Variants in PIK3R1 observed in about 807,000 individuals in gnomAD.
PIK3R1 encodes phosphoinositide-3-kinase regulatory subunit 1.
In PIK3R1, 29 loss-of-function variants were observed where a neutral mutation model predicts 98.0. The observed-to-expected ratio is 0.30, with a 90% CI of 0.22 to 0.40. The LOEUF (loss-of-function observed/expected upper bound fraction) is 0.40, where lower values mean the gene tolerates loss of function less well. Among genes scored for constraint, PIK3R1 ranks in the 10% least tolerant of loss-of-function variants. The pLI is 1.00. For synonymous variants in PIK3R1, 282 were observed against 311.8 expected (o/e 0.90, Z 1.01); for missense variants, 596 against 872.7 (o/e 0.68, Z 3.99).
chr5:68,224,967 C>T (rs1168271881), intron 1 of PIK3R1, among the ~76,000 whole-genome samples: 1 of 152,238 alleles, frequency 6.6e-6, no homozygotes, highest in Non-Finnish European at 1.5e-5. Flanking sequence ...TTGCTACTTC[C>T]TCTCTAATAT....
chr5:68,239,905 A>C (rs527933795), intron 2 of PIK3R1: 2 of 502,456 alleles, frequency 4.0e-6, no homozygotes, highest in Admixed American at 2.3e-5. Flanking sequence ...CTTACAGCAA[A>C]AGAACCTCAT....
chr5:68,278,637 C>T (rs1316890399), intron 4 of PIK3R1, among the ~76,000 whole-genome samples: 3 of 152,120 alleles, frequency 2.0e-5, no homozygotes, highest in Non-Finnish European at 2.9e-5. Context: ...CCACAGACTG[C>T]GTGGCTTAAA....
intron 7 of PIK3R1, chr5:68,288,224 C>T (rs371985240): frequency 1.0e-5 from 2 of 194,158 alleles, no homozygotes; most frequent in African/African-American, 2.3e-5. Flanking sequence ...ATGGCCTTCT[C>T]ATTTCCCAGG....
chr5:68,288,414 C>A, intron 7 of PIK3R1: 1 of 1,220,582 alleles, frequency 8.2e-7, no homozygotes, highest in Non-Finnish European at 1.0e-6. Flanking sequence ...CCTTTCCTCC[C>A]CGATACAGTA....
intron 7 of PIK3R1, among the ~76,000 whole-genome samples, chr5:68,287,835 T>C (rs765210957): frequency 1.3e-5 from 2 of 151,124 alleles, no homozygotes; most frequent in Non-Finnish European, 3.0e-5. Context: ...CACATGATCA[T>C]GGAGTATAGT....
chr5:68,237,967 C>T (rs1185920088), intron 2 of PIK3R1, among the ~76,000 whole-genome samples: 1 of 152,124 alleles, frequency 6.6e-6, no homozygotes, highest in African/African-American at 2.4e-5. Context: ...AGTAGGAGGT[C>T]ACAACTTAGA....
chr5:68,240,862 TCA>T (rs1744848559), intron 2 of PIK3R1, among the ~76,000 whole-genome samples: 2 of 152,222 alleles, frequency 1.3e-5, no homozygotes, highest in Admixed American at 1.3e-4. Flanking sequence ...GAGGTGAGTT[TCA>T]CAGTGATCTT....
intron 5 of PIK3R1, chr5:68,280,290 C>G: frequency 1.8e-6 from 1 of 549,190 alleles, no homozygotes; most frequent in African/African-American, 1.9e-5. Flanking sequence ...ACACCCTGAA[C>G]AGCTTGTGGT....
intron 2 of PIK3R1, among the ~76,000 whole-genome samples, chr5:68,270,665 C>T (rs1746317712): frequency 6.6e-6 from 1 of 152,078 alleles, no homozygotes; most frequent in Non-Finnish European, 1.5e-5. Flanking sequence ...TGTGCTAAGT[C>T]TTGTTAGTTT....
intron 2 of PIK3R1, among the ~76,000 whole-genome samples, chr5:68,271,649 T>A (rs985507001): frequency 6.6e-6 from 1 of 152,352 alleles, no homozygotes; most frequent in East Asian, 1.9e-4. Flanking sequence ...TGGCTAGTCA[T>A]TGCTTTATCA....
intron 1 of PIK3R1, among the ~76,000 whole-genome samples, chr5:68,225,973 C>T (rs1357436249): frequency 6.6e-6 from 1 of 152,114 alleles, no homozygotes; most frequent in African/African-American, 2.4e-5. Context: ...TTGAACCCTG[C>T]AGTGTTTAGT....
At chr5:68,276,429 G>A (rs1746573745) in intron 4 of PIK3R1, among the ~76,000 whole-genome samples, 1 of 152,200 alleles carries the variant, frequency 6.6e-6, no homozygotes, top group Non-Finnish European at 1.5e-5. Context: ...AGAGACCTAA[G>A]GAAGAGGAGA....
At position 68,295,560 on chromosome 5, in the gene PIK3R1, T is replaced by C; in HGVS notation, c.1814+72T>C. ...TAGGAAAATGCATGACTTGCTTTGT[T>C]TTTAGAACAAGTGAGGAATTTTACT... On this transcript the variant is annotated intron_variant, in intron 14 of 15. Transcript: ENST00000521381. 3 of 1,298,892 alleles carry C rather than the reference T, an allele frequency of 2.3e-6. No homozygotes were observed. The South Asian group carries it at 3.6e-5, about 16-fold the overall frequency. 80.5% of individuals were successfully genotyped at this position (1,298,892 alleles called of 1,614,324 possible).
intron 4 of PIK3R1, among the ~76,000 whole-genome samples, chr5:68,275,117 G>C (rs1399347647): frequency 6.6e-6 from 1 of 152,220 alleles, no homozygotes; most frequent in African/African-American, 2.4e-5. Flanking sequence ...CACTTGAAAT[G>C]TTCTGACCAG....
chr5:68,252,148 T>G (rs1745336242), intron 2 of PIK3R1, among the ~76,000 whole-genome samples: 1 of 152,136 alleles, frequency 6.6e-6, no homozygotes, highest in Non-Finnish European at 1.5e-5. Context: ...ATCTGCTGTT[T>G]AGACTAAGGG....
At position 68,290,596 on chromosome 5, in the gene PIK3R1, T is replaced by G. The variant is rs1253933114; in HGVS notation, c.917-1663T>G. On this transcript the variant is annotated intron_variant, in intron 7 of 15. Coordinates refer to ENST00000521381, the MANE Select transcript of PIK3R1 (RefSeq NM_181523.3). ...TCTGGTGACATTTTTCTGACTTGATTGGCTGGGGCGTGTGATGTAATAGGT... is the reference window on the plus strand; with the variant it reads ...TCTGGTGACATTTTTCTGACTTGATGGGCTGGGGCGTGTGATGTAATAGGT... 3 of 1,310,606 alleles carry G rather than the reference T, an allele frequency of 2.3e-6. No individual in the cohort carries two copies. The African/African-American group carries it at 4.5e-5, about 20-fold the overall frequency. 81.2% of individuals were successfully genotyped at this position (1,310,606 alleles called of 1,614,324 possible).
chr5:68,260,413 T>C (rs1745692807), intron 2 of PIK3R1, among the ~76,000 whole-genome samples: 1 of 152,090 alleles, frequency 6.6e-6, no homozygotes, highest in African/African-American at 2.4e-5. Context: ...AGCCCAGCAG[T>C]GCTGTGCATG....
chr5:68,278,184 C>T (rs895958588), intron 4 of PIK3R1, among the ~76,000 whole-genome samples: 21 of 151,932 alleles, frequency 1.4e-4, no homozygotes, highest in African/African-American at 5.1e-4. Flanking sequence ...TAGTTTTACC[C>T]CCATTATTGG....
At position 68,277,213 on chromosome 5, in the gene PIK3R1, C is replaced by T. The variant is rs527936814; in HGVS notation, c.503-2389C>T. ...CAAAGTGTATGGGAAACCAGAAGCA[C>T]GGCCAAGAGTGGTGACCATAGAGAA... On this transcript the variant is annotated intron_variant, in intron 4 of 15. Transcript: ENST00000521381. Among the ~76,000 whole-genome samples the T allele has an allele frequency of 3.9e-5, 6 of 152,322 alleles. No individual in the cohort carries two copies. The East Asian group carries it at 9.6e-4, about 24-fold the overall frequency.
Sources: allele counts gnomAD v4.1 joint callset (sites outside exome capture counted in the v4.1 genomes callset), GRCh38; gene constraint gnomAD v4.1.1; transcripts MANE v1.5; gene names NCBI Gene and HGNC (gene_info 2026-07-23, HGNC 2026-07-21).